Variants in NCAPD3 observed in about 807,000 individuals in gnomAD.
NCAPD3 encodes the protein non-SMC condensin II complex subunit D3, also known as condensin-2 complex subunit D3.
A neutral mutation model predicts 182.9 loss-of-function variants in NCAPD3; 105 were observed. That is an observed-to-expected ratio of 0.57 (90% CI 0.49 to 0.68). The LOEUF (loss-of-function observed/expected upper bound fraction) is 0.68. Among genes scored for constraint, NCAPD3 ranks in the 30% least tolerant of loss-of-function variants. The probability of loss-of-function intolerance (pLI) is 0.00; values close to 1 mark genes in which losing one functional copy is unlikely to be tolerated. For synonymous variants in NCAPD3, 815 were observed against 679.9 expected (o/e 1.20, Z -3.09); for missense variants, 1,944 against 1,837.0 (o/e 1.06, Z -1.07).
rs1260633754 is a variant in NCAPD3 at position 134,152,417 on chromosome 11, A to T, written c.*527T>A. ...CCAATAAGAGCTCTGTTCTAAAAAC[A>T]GAAAAATCCTATTGACTACTGGAAG... On this transcript the variant is annotated 3_prime_UTR_variant, in exon 35 of 35. Transcript: ENST00000534548. 6.6e-6 allele frequency: 1 copy of T among 152,304 alleles called. No homozygotes were observed. Among genetic ancestry groups the T allele is most frequent in the African/African-American group, 2.4e-5 (1 of 41,472 alleles). 9.4% of individuals were successfully genotyped at this position (152,304 alleles called of 1,614,324 possible).
rs779309143 is a variant in NCAPD3 at position 134,194,072 on chromosome 11, C to A, written c.1768G>T (p.Asp590Tyr). ...TGCTTCCGGACAGACACTGCAGGGT[C>A]CCGACACTGGTCCTGCAGAATCCAC... ...DLWILQDQCRDPAVSVRKQAL... is the reference protein window; with the variant it reads ...DLWILQDQCRYPAVSVRKQAL... Residue 590 changes from aspartate (D) to tyrosine (Y), a missense_variant, in exon 15 of 35, where the codon GAC becomes TAC. By Grantham distance (160) the Asp-to-Tyr change is radical. Transcript: ENST00000534548. 4 of 1,614,192 alleles carry A rather than the reference C, an allele frequency of 2.5e-6. No individual in the cohort carries two copies. In the Admixed American group the frequency reaches 6.7e-5, roughly 27 times the overall value.
chr11:134,158,124 C>G (rs1943476664), intron 30 of NCAPD3, 57 bp from the exon 31 acceptor site: 1 of 1,578,682 alleles, frequency 6.3e-7, no homozygotes. Flanking sequence ...GCAGAGGTGA[C>G]AGTGCTGCAC....
At chr11:134,166,837 TG>T (rs1413048288) in intron 27 of NCAPD3, among the ~76,000 whole-genome samples, 1 of 85,944 alleles carries the variant, frequency 1.2e-5, no homozygotes, top group South Asian at 4.6e-4. Flanking sequence ...GAGATGAGCT[TG>T]GGGGAGGCGC....
At chr11:134,187,409 A>G (rs1052033454) in intron 16 of NCAPD3, among the ~76,000 whole-genome samples, 2 of 152,170 alleles carry the variant, frequency 1.3e-5, no homozygotes, top group African/African-American at 2.4e-5. Context: ...AGGTGTGACA[A>G]AGCATTCAAG....
At chr11:134,156,095 C>A (rs1943412502) in intron 32 of NCAPD3, among the ~76,000 whole-genome samples, 2 of 152,238 alleles carry the variant, frequency 1.3e-5, no homozygotes, top group Non-Finnish European at 2.9e-5. Flanking sequence ...TCATCTTCCC[C>A]TGCAGTCAGG....
Position 134,194,647 on chromosome 11 carries a change from T to C in NCAPD3, c.1689+18A>G. Reference sequence around the variant, plus strand: ...TTTTTAGTGCTTAAAAAAAAAAATGTGCAGAGAAAACTCCCACCTGCAGTG... The same window carrying C: ...TTTTTAGTGCTTAAAAAAAAAAATGCGCAGAGAAAACTCCCACCTGCAGTG... On this transcript the variant is annotated intron_variant, in intron 14 of 34. Coordinates refer to ENST00000534548, the MANE Select transcript of NCAPD3 (RefSeq NM_015261.3). 3 of 1,545,782 alleles carry C rather than the reference T, an allele frequency of 1.9e-6. No individual in the cohort carries two copies. The highest frequency in any genetic ancestry group is 2.6e-6 in the Non-Finnish European group (3 of 1,143,816).
upstream of NCAPD3, chr11:134,224,050 C>A (rs1938354633): frequency 3.3e-6 from 4 of 1,209,664 alleles, no homozygotes; most frequent in Admixed American, 4.2e-5. Flanking sequence ...AACCACCGCG[C>A]CGAGCCGTTT....
At position 134,206,748 on chromosome 11, in the gene NCAPD3, AAATTC is replaced by A; in HGVS notation, c.883-21_883-17del. The A allele has an allele frequency of 6.3e-7, 1 of 1,596,434 alleles. No homozygotes were observed. Among genetic ancestry groups the A allele is most frequent in the Non-Finnish European group, 8.5e-7 (1 of 1,173,264 alleles). ...AACTGATGACCTAGAAGAGAAAAGA[AAATTC>A]AATTTAAGATCGGATGGAGAACACA... On this transcript the variant is annotated splice_polypyrimidine_tract_variant and intron_variant, in intron 7 of 34. Transcript: ENST00000534548.
chr11:134,164,899 G>A (rs776513425), intron 27 of NCAPD3, among the ~76,000 whole-genome samples: 4 of 151,858 alleles, frequency 2.6e-5, no homozygotes, highest in African/African-American at 4.8e-5. Flanking sequence ...TGAGCTTAGG[G>A]GGAGCTGCAC....
At chr11:134,187,474 C>A (rs895628088) in intron 16 of NCAPD3, among the ~76,000 whole-genome samples, 1 of 152,228 alleles carries the variant, frequency 6.6e-6, no homozygotes, top group South Asian at 2.1e-4. Flanking sequence ...TGCCCGACTT[C>A]TGCTCTCCAC....
chr11:134,164,895 TAGG>T (rs1232690514), intron 27 of NCAPD3, among the ~76,000 whole-genome samples: 2 of 149,146 alleles, frequency 1.3e-5, no homozygotes, highest in South Asian at 2.2e-4. Flanking sequence ...GACATGAGCT[TAGG>T]GGGAGCTGCA....
At position 134,161,996 on chromosome 11, in the gene NCAPD3, G is replaced by A. The variant is rs1591822622; in HGVS notation, c.3574-105C>T. 8.0e-5 allele frequency: 48 copies of A among 598,612 alleles called. No homozygotes were observed. In the East Asian group the frequency reaches 1.4e-3, roughly 18 times the overall value. 37.1% of individuals were successfully genotyped at this position (598,612 alleles called of 1,614,324 possible). ...AGAGCCACCCTACCACACTATGTAA[G>A]TTTATTTTTGCTTTTCATTATGATA... On this transcript the variant is annotated intron_variant, in intron 27 of 34. Coordinates refer to ENST00000534548, the MANE Select transcript of NCAPD3 (RefSeq NM_015261.3).
intron 13 of NCAPD3, among the ~76,000 whole-genome samples, chr11:134,202,192 C>A (rs1484372894): frequency 6.6e-6 from 1 of 152,146 alleles, no homozygotes; most frequent in Non-Finnish European, 1.5e-5. Flanking sequence ...TACGTACATG[C>A]TCTTTCTCTC....
chr11:134,167,245 C>A (rs1342745407), intron 27 of NCAPD3, among the ~76,000 whole-genome samples: 1 of 135,146 alleles, frequency 7.4e-6, no homozygotes, highest in Non-Finnish European at 1.6e-5. Context: ...GAGGCGCACA[C>A]TCGTGAGATG....
chr11:134,153,331 C>T lies in NCAPD3; in HGVS notation c.4285G>A (p.Val1429Ile), dbSNP rs1373458678. The change falls in exon 33 of 35, where the codon GTC becomes ATC. Residue 1429 changes from valine (V) to isoleucine (I), a missense_variant. This residue lies in a region of NCAPD3 where 1,803 missense variants were observed against 1,674.6 expected (regional missense o/e 1.08). Coordinates refer to ENST00000534548, the MANE Select transcript of NCAPD3 (RefSeq NM_015261.3). The part of the protein sequence containing the change: ...SISDVTFGAG[V>I]SYIGTPRTPS... ...GTCCGTGGTGTCCCGATGTAACTGA[C>T]CCCTGCTCCAAACGTGACATCACTG... 3 of 1,614,184 alleles carry T rather than the reference C, an allele frequency of 1.9e-6. No homozygotes were observed. Among genetic ancestry groups the T allele is most frequent in the Admixed American group, 1.7e-5 (1 of 60,030 alleles).
At position 134,204,999 on chromosome 11, in the gene NCAPD3, T is replaced by A. The variant is rs1457797189; in HGVS notation, c.1017-28A>T. 1.3e-6 allele frequency: 2 copies of A among 1,566,916 alleles called. No homozygotes were observed. The highest frequency in any genetic ancestry group is 1.8e-6 in the Non-Finnish European group (2 of 1,138,196). On this transcript the variant is annotated intron_variant, in intron 8 of 34. Coordinates refer to ENST00000534548, the MANE Select transcript of NCAPD3 (RefSeq NM_015261.3). This position sits in a 1 kb window ranked among gnomAD's most constrained non-coding sequence, Gnocchi z 4.3. ...TTGTAAAAGAAAAACACATCTACTG[T>A]TCACAATACAGTCAGCGACTGTCCC...
chr11:134,159,132 G>A (rs1017360971), intron 29 of NCAPD3, among the ~76,000 whole-genome samples: 2 of 152,200 alleles, frequency 1.3e-5, no homozygotes, highest in Non-Finnish European at 2.9e-5. Context: ...TGGGAGTGCA[G>A]GTATGTCTTC....
rs200700272 is a variant in NCAPD3, at chr11:134,184,682, C to A, written c.2406G>T (p.Leu802Phe). The change falls in exon 19 of 35, where the codon TTG (leucine) becomes TTT (phenylalanine). Residue 802 changes from leucine to phenylalanine, a missense_variant. Physicochemically the swap from Leu to Phe is conservative, Grantham distance 22. Around this residue, in one of 3 missense-constraint regions of NCAPD3, gnomAD observed 1,803 missense variants for 1,674.6 expected, o/e 1.08. Coordinates refer to ENST00000534548, the MANE Select transcript of NCAPD3 (RefSeq NM_015261.3). Reference sequence around the variant, plus strand: ...CTGCAGATGCTCTACAAAGCCTCTGCAAGGCGTCAACAGCTGAACTGATCA... The same window carrying A: ...CTGCAGATGCTCTACAAAGCCTCTGAAAGGCGTCAACAGCTGAACTGATCA... ...LEVISSAVDALQRLCRASAET... is the reference protein window; with the variant it reads ...LEVISSAVDAFQRLCRASAET... 1.2e-6 allele frequency: 2 copies of A among 1,613,982 alleles called. No individual in the cohort carries two copies. Among genetic ancestry groups the A allele is most frequent in the African/African-American group, 1.3e-5 (1 of 75,022 alleles).
intron 16 of NCAPD3, among the ~76,000 whole-genome samples, chr11:134,190,870 A>G (rs1394880920): frequency 3.3e-5 from 5 of 152,328 alleles, no homozygotes; most frequent in Admixed American, 1.3e-4. Context: ...TATGTTGAAT[A>G]ATCTGGTTGG....
Sources: gnomAD v4.1 joint callset for allele counts (sites outside exome capture counted in the v4.1 genomes callset) on GRCh38, gnomAD v4.1.1 for gene constraint, gnomAD v4.1.1 regional missense constraint, Gnocchi (gnomAD v3.1) non-coding constraint, MANE v1.5 for transcripts, NCBI Gene and HGNC (gene_info 2026-07-23, HGNC 2026-07-21) for gene names.